ZDHHC6: variants seen among roughly 807,000 people sequenced by gnomAD.
ZDHHC6 encodes palmitoyltransferase ZDHHC6.
ZDHHC6 carries 32 observed loss-of-function variants against 57.8 expected under a neutral mutation model. The ratio of observed to expected loss-of-function variants is 0.55; its 90% CI spans 0.42 to 0.74. The LOEUF is 0.74. ZDHHC6 is among the 30% of genes least tolerant of loss of function. The pLI, the probability that ZDHHC6 is intolerant of heterozygous loss-of-function variation, is 0.00. For synonymous variants in ZDHHC6, 128 were observed against 158.0 expected, an observed-to-expected ratio of 0.81 and a Z score of 1.42; for missense variants, 433 against 500.7, an observed-to-expected ratio of 0.86 and a Z score of 1.29.
chr10:112,437,407 A>T (rs749216907), intron 6 of ZDHHC6, among the ~76,000 whole-genome samples: 7 of 152,244 alleles, frequency 4.6e-5, no homozygotes, highest in Admixed American at 3.3e-4. Context: ...TAAAATAAAA[A>T]GGTATAAAAA....
intron 4 of ZDHHC6, among the ~76,000 whole-genome samples, 190 bp from the exon 5 acceptor site, chr10:112,440,885 G>T (rs1170596233): frequency 6.6e-6 from 1 of 151,902 alleles, no homozygotes; most frequent in Non-Finnish European, 1.5e-5. Flanking sequence ...TCACTCTGTC[G>T]CCCAGGCTGG....
rs912331326 is a variant in ZDHHC6 at position 112,445,324 on chromosome 10, G to A, written c.113C>T (p.Ala38Val). 6.2e-7 allele frequency: 1 copy of A among 1,614,056 alleles called. No individual in the cohort carries two copies. Among genetic ancestry groups the A allele is most frequent in the African/African-American group, 1.3e-5 (1 of 74,916 alleles). Residue 38 changes from alanine (A) to valine (V), a missense_variant, in exon 2 of 11, where the codon GCC becomes GTC. Ala to Val is a moderately conservative substitution (Grantham distance 64). Coordinates refer to ENST00000369405, the MANE Select transcript of ZDHHC6 (RefSeq NM_022494.3). Reference protein sequence around the residue: ...LGVIAICSTMAMIDSVLWYWP... With the variant: ...LGVIAICSTMVMIDSVLWYWP... ...ATACCACAACACAGAGTCAATCATG[G>A]CCATGGTAGAACATATTGCTATAAC...
chr10:112,427,907 G>A (rs905842358), downstream of ZDHHC6: 3 of 152,756 alleles, frequency 2.0e-5, no homozygotes, highest in African/African-American at 4.8e-5. Flanking sequence ...AAATGTCTCC[G>A]ATGCTCTTCT....
At chr10:112,427,152 T>C (rs921656041), downstream of ZDHHC6, 6 of 1,509,746 alleles carry the variant, frequency 4.0e-6, no homozygotes, top group African/African-American at 8.4e-5. Context: ...CACAGAGCAC[T>C]CAGGGGGCTC....
chr10:112,445,132 TATC>T, intron 2 of ZDHHC6, 35 bp downstream of exon 2: 1 of 1,585,380 alleles, frequency 6.3e-7, no homozygotes, highest in Non-Finnish European at 8.6e-7. Context: ...AATATACGAT[TATC>T]ATTAAAGTTC....
At chr10:112,427,925 T>C (rs1328715246), downstream of ZDHHC6, 2 of 153,014 alleles carry the variant, frequency 1.3e-5, no homozygotes, top group Non-Finnish European at 2.9e-5. Flanking sequence ...TCTGCGTAAA[T>C]TAAATTGTGT....
downstream of ZDHHC6, chr10:112,426,293 T>A: frequency 6.2e-7 from 1 of 1,614,184 alleles, no homozygotes. Flanking sequence ...CTGACACAGA[T>A]GTACTTCCCT....
Position 112,443,622 on chromosome 10 carries a change from G to C in ZDHHC6, c.268-16C>G. ...GAGAAATTTCCTTGGCAGCAAAACAGAAACAAAAATGCATCATCGGATACT... is the reference window on the plus strand; with the variant it reads ...GAGAAATTTCCTTGGCAGCAAAACACAAACAAAAATGCATCATCGGATACT... On this transcript the variant is annotated splice_polypyrimidine_tract_variant and intron_variant, in intron 2 of 10. Transcript: ENST00000369405. 6.2e-7 allele frequency: 1 copy of C among 1,600,102 alleles called. No homozygotes were observed. Among genetic ancestry groups the C allele is most frequent in the Non-Finnish European group, 8.5e-7 (1 of 1,169,860 alleles).
intron 7 of ZDHHC6, chr10:112,433,689 G>C (rs1455409607): frequency 1.3e-5 from 2 of 159,622 alleles, no homozygotes; most frequent in African/African-American, 4.8e-5. Context: ...ATGAATAAAA[G>C]TCATCATAAC....
At chr10:112,433,895 G>A (rs1589724474) in intron 7 of ZDHHC6, among the ~76,000 whole-genome samples, 1 of 152,162 alleles carries the variant, frequency 6.6e-6, no homozygotes, top group Admixed American at 6.5e-5. Flanking sequence ...GTCTATGGGG[G>A]TAGGTTAGAC....
At chr10:112,440,738 G>A (rs753861433) in intron 4 of ZDHHC6, 43 bp from the exon 5 acceptor site, 2 of 1,580,122 alleles carry the variant, frequency 1.3e-6, no homozygotes, top group Non-Finnish European at 1.7e-6. Flanking sequence ...GTTTGGTTAT[G>A]GTAACTGGTC....
downstream of ZDHHC6, chr10:112,425,373 C>G: frequency 2.5e-6 from 4 of 1,613,052 alleles, no homozygotes; most frequent in South Asian, 3.3e-5. Flanking sequence ...GTAAAAAGAA[C>G]ATTTTCAAGC....
At chr10:112,442,115 AACCTC>A in intron 4 of ZDHHC6, 72 bp downstream of exon 4, 1 of 1,400,150 alleles carries the variant, frequency 7.1e-7, no homozygotes, top group South Asian at 1.7e-5. Context: ...TTCCAAAAGG[AACCTC>A]TTAAATGTTG....
chr10:112,436,524 A>G (rs1181188353), intron 6 of ZDHHC6, among the ~76,000 whole-genome samples: 1 of 151,278 alleles, frequency 6.6e-6, no homozygotes, highest in Non-Finnish European at 1.5e-5. Flanking sequence ...TGTAGAAGCT[A>G]AGAAGCTCAG....
intron 5 of ZDHHC6, 44 bp downstream of exon 5, chr10:112,440,490 C>G: frequency 6.3e-7 from 1 of 1,575,486 alleles, no homozygotes; most frequent in Non-Finnish European, 8.6e-7. Context: ...GCAATCAGTC[C>G]CAACAACTTG....
At chr10:112,429,272 C>G (rs1461813186), downstream of ZDHHC6, among the ~76,000 whole-genome samples, 1 of 152,202 alleles carries the variant, frequency 6.6e-6, no homozygotes, top group African/African-American at 2.4e-5. Context: ...TCCCCTCACG[C>G]ATTACAGCTG....
At chr10:112,447,536 C>T, upstream of ZDHHC6, 1 of 1,545,290 alleles carries the variant, frequency 6.5e-7, no homozygotes, top group Non-Finnish European at 8.8e-7. Flanking sequence ...TGGAACGCCG[C>T]CCGAGTAAGT....
chr10:112,443,702 GGAGA>G (rs1564769169), intron 2 of ZDHHC6, 96 bp from the exon 3 acceptor site: 5 of 888,102 alleles, frequency 5.6e-6, no homozygotes, highest in Non-Finnish European at 8.7e-6. Context: ...GATAGGGGAA[GGAGA>G]GAATCTTAAC....
chr10:112,436,006 C>T (rs1488929282), intron 6 of ZDHHC6, among the ~76,000 whole-genome samples: 1 of 152,098 alleles, frequency 6.6e-6, no homozygotes, highest in Admixed American at 6.5e-5. Context: ...GAAACAATAC[C>T]TTAACTAAGT....
Sources: allele counts gnomAD v4.1 joint callset (sites outside exome capture counted in the v4.1 genomes callset), GRCh38; gene constraint gnomAD v4.1.1; transcripts MANE v1.5; gene names NCBI Gene and HGNC (gene_info 2026-07-23, HGNC 2026-07-21).